Variants in CDHR1 observed in about 807,000 individuals in gnomAD.
CDHR1 encodes the protein cadherin related family member 1.
In CDHR1, 61 loss-of-function variants were observed where a neutral mutation model predicts 72.1. That is an observed-to-expected ratio of 0.85 (90% confidence interval 0.69 to 1.05). The LOEUF is 1.05. Ranked by LOEUF, CDHR1 falls within the 50% of genes least tolerant of loss-of-function variation. The probability of loss-of-function intolerance (pLI) is 0.00; values close to 1 mark genes in which losing one functional copy is unlikely to be tolerated. For synonymous variants in CDHR1, 470 were observed against 448.1 expected (o/e 1.05, Z -0.62); for missense variants, 1,186 against 1,115.7 (o/e 1.06, Z -0.90).
In CDHR1 at chr10:84,200,639, A is replaced by G. The variant is rs4933975; in HGVS notation, c.477A>G (p.Ala159=). Residue 159 remains alanine, a synonymous_variant, in exon 6 of 17, where the codon GCA becomes GCG. Coordinates refer to ENST00000623527, the MANE Select transcript of CDHR1 (RefSeq NM_033100.4). ...GGAGCATCATCTTTAAGGTCCATGC[A>G]GTGGACAGGGACACAGGCTCTGGAG... ...PAGSIIFKVH[A]VDRDTGSGGS... 752,073 of 1,609,788 alleles carry G rather than the reference A, an allele frequency of 0.47. 178,669 individuals carry two copies. The highest frequency in any genetic ancestry group is 0.69 in the African/African-American group (51,680 of 74,934).
In CDHR1 at chr10:84,214,753, T is replaced by C. The variant is rs1354032005; in HGVS notation, c.*132T>C. 8 of 1,568,414 alleles carry C rather than the reference T, an allele frequency of 5.1e-6. No homozygotes were observed. The highest frequency in any genetic ancestry group is 6.9e-6 in the Non-Finnish European group (8 of 1,164,904). On this transcript the variant is annotated 3_prime_UTR_variant, in exon 17 of 17. Transcript: ENST00000623527. ...TTGCACAATGGTATAATCCCCACTG[T>C]CCTCATCTCTACCGCCACCTTCTGG... is the stretch of plus-strand genomic sequence containing the variant.
intron 13 of CDHR1, 47 bp downstream of exon 13, chr10:84,211,212 T>C: frequency 1.3e-6 from 2 of 1,599,732 alleles, no homozygotes; most frequent in Non-Finnish European, 8.6e-7. Flanking sequence ...GGAGGCCTTG[T>C]GAAGCCAGAC....
At position 84,217,006 on chromosome 10, in the gene CDHR1, A is replaced by T. The variant is rs1357051335; in HGVS notation, c.*2385A>T. The stretch of plus-strand genomic sequence containing the variant: ...CTCTTGGACAACCCCAGGAACTTGG[A>T]CCAAGGCAGAGCCAATCTTGCAAAC... On this transcript the variant is annotated 3_prime_UTR_variant, in exon 17 of 17. Coordinates refer to ENST00000623527, the MANE Select transcript of CDHR1 (RefSeq NM_033100.4). The T allele has an allele frequency of 1.0e-6, 1 of 985,452 alleles. No homozygotes were observed. Among genetic ancestry groups the T allele is most frequent in the Non-Finnish European group, 1.2e-6 (1 of 830,024 alleles). The allele number at this position is 985,452 out of a possible 1,614,324, so 61.0% of individuals were successfully genotyped here. A position where few individuals can be genotyped will look rare whatever the true frequency, so the allele number is the denominator to read the frequency against.
rs59316093 is a variant in CDHR1 at position 84,209,639 on chromosome 10, C to CA, written c.1320+773dup. Among the ~76,000 whole-genome samples the CA allele has an allele frequency of 6.4e-4, 80 of 125,322 alleles. No homozygotes were observed. The East Asian group carries it at 9.3e-3, about 15-fold the overall frequency. The allele number at this position is 125,322 out of a possible 152,430, so 82.2% of individuals were successfully genotyped here. On this transcript the variant is annotated intron_variant, in intron 12 of 16. Transcript: ENST00000623527. ...TGCTTAGAGAATCTGAGAGAAAAGA[C>CA]AAAAAAAAAAAAAAAGAAACTCTTA...
intron 15 of CDHR1, chr10:84,212,789 C>T: frequency 1.8e-6 from 1 of 542,212 alleles, no homozygotes; most frequent in Non-Finnish European, 3.3e-6. Flanking sequence ...TATACCTCTG[C>T]ATCCATGGGA....
intron 13 of CDHR1, among the ~76,000 whole-genome samples, chr10:84,211,386 A>T (rs1408950619): frequency 6.6e-6 from 1 of 152,264 alleles, no homozygotes; most frequent in Non-Finnish European, 1.5e-5. Context: ...CAACAATCAC[A>T]GGGCATGGGA....
intron 12 of CDHR1, 56 bp downstream of exon 12, chr10:84,208,937 C>G: frequency 6.4e-7 from 1 of 1,569,984 alleles, no homozygotes; most frequent in Non-Finnish European, 8.7e-7. Flanking sequence ...GAATTCATAC[C>G]AGCATCTTGG....
rs1328294717 is a variant in CDHR1 at position 84,215,109 on chromosome 10, G to T, written c.*488G>T. ...GGAGGCTCAGCACTGTCTCAGGCTG[G>T]AGGTCAGCGAACCTCGTGGGCTGTA... On this transcript the variant is annotated 3_prime_UTR_variant, in exon 17 of 17. Transcript: ENST00000623527. The T allele has an allele frequency of 1.7e-5, 17 of 1,029,214 alleles. No homozygotes were observed. The highest frequency in any genetic ancestry group is 2.0e-5 in the Non-Finnish European group (17 of 856,338). 63.8% of individuals were successfully genotyped at this position (1,029,214 alleles called of 1,614,324 possible).
In CDHR1 at chr10:84,208,914, G is replaced by A; in HGVS notation, c.1320+33G>A. 5 of 1,607,626 alleles carry A rather than the reference G, an allele frequency of 3.1e-6. No individual in the cohort carries two copies. In the South Asian group the frequency reaches 5.5e-5, roughly 18 times the overall value. ...GTGCCCTGAATTCACTGCCCTGAAT[G>A]GGAGGGTCCCAGGAATTCATACCAG... is the stretch of plus-strand genomic sequence containing the variant. On this transcript the variant is annotated intron_variant, in intron 12 of 16. Coordinates refer to ENST00000623527, the MANE Select transcript of CDHR1 (RefSeq NM_033100.4).
chr10:84,204,609 A>C lies in CDHR1; in HGVS notation c.862+4A>C, dbSNP rs1352559639. The C allele has an allele frequency of 1.9e-6, 3 of 1,608,370 alleles. No individual in the cohort carries two copies. The highest frequency in any genetic ancestry group is 1.7e-6 in the Non-Finnish European group (2 of 1,174,956). Reference sequence around the variant, plus strand: ...ATTCTCTACAGCCTTGTAAATGGTGAGTCTGAGCAGCTTTGGGGGCTGCAG... The same window carrying C: ...ATTCTCTACAGCCTTGTAAATGGTGCGTCTGAGCAGCTTTGGGGGCTGCAG... On this transcript the variant is annotated splice_donor_region_variant and intron_variant, in intron 9 of 16. Transcript: ENST00000623527.
chr10:84,207,725 G>C (rs115141777), intron 10 of CDHR1, among the ~76,000 whole-genome samples: 1,617 of 152,270 alleles, frequency 0.011, 24 homozygotes, highest in African/African-American at 0.029. Flanking sequence ...AGCTTGGCTG[G>C]GTCTTCGGTC....
chr10:84,208,416 GGTATGAA>G (rs1842269111), intron 11 of CDHR1, 39 bp downstream of exon 11: 2 of 1,603,464 alleles, frequency 1.2e-6, no homozygotes, highest in African/African-American at 2.7e-5. Context: ...TCTCACAAAC[GGTATGAA>G]GCCAAGGTCC....
At position 84,195,554 on chromosome 10, in the gene CDHR1, T is replaced by A. The variant is rs766951846; in HGVS notation, c.116T>A (p.Met39Lys). ...GGGGTCGGCAGCACCAACGGAAACA[T>A]GGCTCTGTTCAGCCTCCCAGAGGAC... is the stretch of plus-strand genomic sequence containing the variant. ...DNGVGSTNGN[M>K]ALFSLPEDTP... Residue 39 changes from methionine to lysine, a missense_variant, in exon 2 of 17, where the codon ATG becomes AAG. Met to Lys is a moderately conservative substitution (Grantham distance 95). Coordinates refer to ENST00000623527, the MANE Select transcript of CDHR1 (RefSeq NM_033100.4). 14 of 1,614,170 alleles carry A rather than the reference T, an allele frequency of 8.7e-6. No individual in the cohort carries two copies. In the East Asian group the frequency reaches 2.9e-4, roughly 33 times the overall value.
At chr10:84,200,777 C>T (rs1476105060) in intron 6 of CDHR1, 90 bp downstream of exon 6, 8 of 868,694 alleles carry the variant, frequency 9.2e-6, no homozygotes, top group Admixed American at 8.0e-5. Context: ...GCCCTTAGGT[C>T]GGTGCCTCTA....
At chr10:84,198,928 AG>A in intron 4 of CDHR1, 103 bp from the exon 5 acceptor site, 1 of 800,508 alleles carries the variant, frequency 1.2e-6, no homozygotes, top group Non-Finnish European at 2.1e-6. Context: ...GAGAGAGAGG[AG>A]GGATGGGCAG....
In CDHR1 at chr10:84,218,578, C is replaced by T; in HGVS notation, c.*3957C>T. 1 of 985,458 alleles carries T rather than the reference C, an allele frequency of 1.0e-6. No individual in the cohort carries two copies. The allele number at this position is 985,458 out of a possible 1,614,324, so 61.0% of individuals were successfully genotyped here. The stretch of plus-strand genomic sequence containing the variant: ...TGCTAATCGCCTGGGCCTAGGGAGT[C>T]TTCATTTTAAAAGCAAGTAGCCCTG... On this transcript the variant is annotated 3_prime_UTR_variant, in exon 17 of 17. Transcript: ENST00000623527.
At chr10:84,201,619 G>A (rs1842126114) in intron 6 of CDHR1, among the ~76,000 whole-genome samples, 188 bp from the exon 7 acceptor site, 1 of 152,198 alleles carries the variant, frequency 6.6e-6, no homozygotes. Context: ...TGAGGGTGTG[G>A]GAGGGAAAGC....
At chr10:84,219,056 A>C, downstream of CDHR1, 1 of 818,356 alleles carries the variant, frequency 1.2e-6, no homozygotes, top group African/African-American at 1.7e-5. Flanking sequence ...ACACTAATGT[A>C]CTATTATTAT....
Position 84,216,276 on chromosome 10 carries a change from T to G in CDHR1, c.*1655T>G. The G allele has an allele frequency of 1.0e-6, 1 of 985,568 alleles. No individual in the cohort carries two copies. The highest frequency in any genetic ancestry group is 1.2e-6 in the Non-Finnish European group (1 of 830,002). The allele number at this position is 985,568 out of a possible 1,614,324, so 61.1% of individuals were successfully genotyped here. A position where few individuals can be genotyped will look rare whatever the true frequency, so the allele number is the denominator to read the frequency against. On this transcript the variant is annotated 3_prime_UTR_variant, in exon 17 of 17. Transcript: ENST00000623527. ...TTTCTGAGTCTGTGTTTGGAGGTGT[T>G]ACTGAGATGTGCCAGTGTGCAGAAT... is the stretch of plus-strand genomic sequence containing the variant.
Sources: gnomAD v4.1 joint callset for allele counts (sites outside exome capture counted in the v4.1 genomes callset) on GRCh38, gnomAD v4.1.1 for gene constraint, MANE v1.5 for transcripts, NCBI Gene and HGNC (gene_info 2026-07-23, HGNC 2026-07-21) for gene names.